MAP4K4: variants seen among roughly 807,000 people sequenced by gnomAD.
The protein encoded by MAP4K4 is HPK/GCK-like kinase HGK.
A neutral mutation model predicts 189.6 loss-of-function variants in MAP4K4; 38 were observed. The ratio of observed to expected loss-of-function variants is 0.20; its 90% CI spans 0.15 to 0.26. The LOEUF is 0.26. Ranked by LOEUF, MAP4K4 falls within the 10% of genes least tolerant of loss-of-function variation. The probability of loss-of-function intolerance (pLI) is 1.00; values close to 1 mark genes in which losing one functional copy is unlikely to be tolerated. For missense variants in MAP4K4, 1,054 were observed against 1,726.9 expected, an observed-to-expected ratio of 0.61 and a Z score of 6.91; for synonymous variants, 610 against 624.3, an observed-to-expected ratio of 0.98 and a Z score of 0.34.
At chr2:101,708,429 C>T (rs1356582149) in intron 2 of MAP4K4, among the ~76,000 whole-genome samples, 1 of 152,184 alleles carries the variant, frequency 6.6e-6, no homozygotes, top group Non-Finnish European at 1.5e-5. Context: ...TGTGTGACCT[C>T]TGTCAGAGAT....
At chr2:101,849,536 C>T (rs546639704) in intron 12 of MAP4K4, among the ~76,000 whole-genome samples, 1 of 151,328 alleles carries the variant, frequency 6.6e-6, no homozygotes, top group South Asian at 2.1e-4. Context: ...CACAAGCCAA[C>T]CTTTTCTTCC....
chr2:101,868,422 T>C (rs1046313761), intron 21 of MAP4K4, among the ~76,000 whole-genome samples: 2 of 152,196 alleles, frequency 1.3e-5, no homozygotes, highest in Non-Finnish European at 2.9e-5. Context: ...ACTGCGTTTT[T>C]AAAAAGTGAT....
At chr2:101,866,200 C>A (rs58588375) in intron 18 of MAP4K4, among the ~76,000 whole-genome samples, 2,011 of 152,288 alleles carry the variant, frequency 0.013, 62 homozygotes, top group African/African-American at 0.045. Context: ...GATTTTAGAT[C>A]TACTAATGGT....
At chr2:101,882,763 G>A (rs2098419733) in intron 28 of MAP4K4, 78 bp downstream of exon 28, 6 of 1,364,428 alleles carry the variant, frequency 4.4e-6, no homozygotes, top group South Asian at 1.6e-5. Context: ...ATTTTCACAG[G>A]TTTTTTGAAG....
chr2:101,806,278 C>G (rs1280773375), intron 3 of MAP4K4, among the ~76,000 whole-genome samples: 1 of 152,044 alleles, frequency 6.6e-6, no homozygotes, highest in Non-Finnish European at 1.5e-5. Context: ...GAGTCATCTT[C>G]CCCCCAGGCC....
At chr2:101,798,084 T>A (rs182732708) in intron 3 of MAP4K4, among the ~76,000 whole-genome samples, 235 of 148,212 alleles carry the variant, frequency 1.6e-3, no homozygotes, top group African/African-American at 5.1e-3. Context: ...CTACAATAAT[T>A]TTTTTTTTTT....
intron 9 of MAP4K4, among the ~76,000 whole-genome samples, chr2:101,837,685 T>C (rs750650354): frequency 1.3e-5 from 2 of 152,160 alleles, no homozygotes; most frequent in Admixed American, 6.5e-5. Flanking sequence ...TAAGTAGTAC[T>C]CATTTTCCCC....
chr2:101,878,715 T>C (rs1408944894), intron 27 of MAP4K4, among the ~76,000 whole-genome samples: 1 of 152,204 alleles, frequency 6.6e-6, no homozygotes, highest in Non-Finnish European at 1.5e-5. Context: ...TATAAGACTT[T>C]AAATGAGTCT....
At chr2:101,833,457 A>G (rs968958063) in intron 7 of MAP4K4, among the ~76,000 whole-genome samples, 2 of 152,000 alleles carry the variant, frequency 1.3e-5, no homozygotes, top group African/African-American at 4.8e-5. Flanking sequence ...CATCTTTACT[A>G]AAAATACAAA....
At position 101,698,635 on chromosome 2, in the gene MAP4K4, C is replaced by T. The variant is rs543135063; in HGVS notation, c.123+97C>T. 4.5e-4 allele frequency: 525 copies of T among 1,168,400 alleles called. 1 individual carries two copies. In the African/African-American group the frequency reaches 7.5e-3, roughly 17 times the overall value. The allele number at this position is 1,168,400 out of a possible 1,614,324, so 72.4% of individuals were successfully genotyped here. ...TAAACATGCTGCTGACTGGAGGCCA[C>T]GCCGCTTGGCCAAAGTTGGGAGAGG... On this transcript the variant is annotated intron_variant, in intron 2 of 32. Transcript: ENST00000324219.
chr2:101,834,063 AG>A (rs2096665755), intron 7 of MAP4K4, among the ~76,000 whole-genome samples: 1 of 152,250 alleles, frequency 6.6e-6, no homozygotes, highest in Non-Finnish European at 1.5e-5. Context: ...AGTAGTTCAC[AG>A]TAGACAATTC....
At chr2:101,756,503 T>A (rs1180350086) in intron 2 of MAP4K4, among the ~76,000 whole-genome samples, 1 of 152,200 alleles carries the variant, frequency 6.6e-6, no homozygotes, top group Non-Finnish European at 1.5e-5. Context: ...GACTGGAATC[T>A]GACCTGTGTC....
At chr2:101,811,200 G>A (rs944859095) in intron 3 of MAP4K4, among the ~76,000 whole-genome samples, 2 of 151,188 alleles carry the variant, frequency 1.3e-5, no homozygotes, top group Admixed American at 1.3e-4. Context: ...GGTGAAACCC[G>A]GTCTCTACAA....
intron 2 of MAP4K4, among the ~76,000 whole-genome samples, chr2:101,724,286 G>A (rs186685702): frequency 2.7e-4 from 41 of 152,292 alleles, no homozygotes; most frequent in African/African-American, 9.6e-4. Flanking sequence ...TGTGAGGTTA[G>A]TGAGTGGCAG....
intron 27 of MAP4K4, among the ~76,000 whole-genome samples, chr2:101,882,234 G>A (rs962605578): frequency 6.6e-6 from 1 of 152,180 alleles, no homozygotes; most frequent in Non-Finnish European, 1.5e-5. Flanking sequence ...TTTAACACAC[G>A]TTATTACTGG....
At chr2:101,762,946 C>T (rs908395089) in intron 2 of MAP4K4, among the ~76,000 whole-genome samples, 1 of 152,056 alleles carries the variant, frequency 6.6e-6, no homozygotes, top group African/African-American at 2.4e-5. Context: ...TTTGAGTGGC[C>T]GCCATTTGTG....
exon 24 of MAP4K4, chr2:101,871,616 C>T (rs1345933681): frequency 6.5e-7 from 1 of 1,536,618 alleles, no homozygotes; most frequent in Admixed American, 2.0e-5. Flanking sequence ...CCTCCTCCTC[C>T]CCATCCTCCA....
At position 101,708,592 on chromosome 2, in the gene MAP4K4, A is replaced by AT. The variant is rs199833021; in HGVS notation, c.123+10064dup. Among the ~76,000 whole-genome samples, 540 of 150,138 alleles carry AT rather than the reference A, an allele frequency of 3.6e-3. 2 individuals carry two copies. The highest frequency in any genetic ancestry group is 0.013 in the African/African-American group (521 of 41,006). On this transcript the variant is annotated intron_variant, in intron 2 of 32. Coordinates refer to ENST00000324219, the Ensembl canonical transcript of MAP4K4. ...GAGATAGAGGAGTTTGTTCAGCAGT[A>AT]TTTTTTTTTTAAAGCAGCTTTATTG... is the stretch of plus-strand genomic sequence containing the variant.
intron 3 of MAP4K4, among the ~76,000 whole-genome samples, chr2:101,820,216 A>G (rs901082097): frequency 6.6e-5 from 10 of 152,228 alleles, no homozygotes; most frequent in Non-Finnish European, 7.3e-5. Flanking sequence ...TGGGAGAATC[A>G]TAGGTAGCAT....
Sources: allele counts gnomAD v4.1 joint callset (sites outside exome capture counted in the v4.1 genomes callset), GRCh38; gene constraint gnomAD v4.1.1; transcripts MANE v1.5; gene names NCBI Gene and HGNC (gene_info 2026-07-23, HGNC 2026-07-21).